The following ZMYM2 variants were observed in gnomAD, a reference collection of about 807,000 sequenced individuals.
ZMYM2 encodes the protein zinc finger MYM-type containing 2, also known as zinc finger MYM-type protein 2.
In ZMYM2, 56 loss-of-function variants were observed where a neutral mutation model predicts 162.8. That is an observed-to-expected ratio of 0.34 (90% CI 0.28 to 0.43). The LOEUF (loss-of-function observed/expected upper bound fraction) is 0.43. ZMYM2 is among the 20% of genes least tolerant of loss of function. ZMYM2 has a pLI of 1.00. For missense variants in ZMYM2, 1,275 were observed against 1,621.8 expected (o/e 0.79, Z 3.67); for synonymous variants, 510 against 541.6 (o/e 0.94, Z 0.81).
chr13:20,022,249 C>CATA (rs915691204), intron 7 of ZMYM2, among the ~76,000 whole-genome samples: 3 of 152,118 alleles, frequency 2.0e-5, no homozygotes, highest in Non-Finnish European at 4.4e-5. Flanking sequence ...TTTTGTTTGT[C>CATA]TTTTATGACT....
In ZMYM2 at chr13:20,086,005, C is replaced by T. The variant is rs1392293553; in HGVS notation, c.4125C>T (p.Asp1375=). The T allele has an allele frequency of 6.2e-7, 1 of 1,613,024 alleles. No individual in the cohort carries two copies. The highest frequency in any genetic ancestry group is 1.3e-5 in the African/African-American group (1 of 74,904). Residue 1375 remains aspartate, a synonymous_variant, in exon 25 of 25, where the codon GAC becomes GAT. Coordinates refer to ENST00000610343, the MANE Select transcript of ZMYM2 (RefSeq NM_197968.4). ...YDKDNYELDE[D]TD Reference sequence around the variant, plus strand: ...AAGACAATTATGAACTGGATGAAGACACAGACTAAAAAGGAACGTTGCAGA... The same window carrying T: ...AAGACAATTATGAACTGGATGAAGATACAGACTAAAAAGGAACGTTGCAGA...
chr13:19,871,490 T>G, the ZMYM2 span, among the ~76,000 whole-genome samples: 2 of 152,140 alleles, frequency 1.3e-5, no homozygotes, highest in African/African-American at 4.8e-5. Context: ...AGCCAACTCC[T>G]GTGCTCAAGC....
chr13:19,891,094 A>G, the ZMYM2 span, among the ~76,000 whole-genome samples: 1 of 151,924 alleles, frequency 6.6e-6, no homozygotes, highest in Non-Finnish European at 1.5e-5. Context: ...CCTGACACCC[A>G]ATGTGACTTT....
At chr13:20,002,603 C>T (rs887775264) in intron 3 of ZMYM2, among the ~76,000 whole-genome samples, 34 of 152,088 alleles carry the variant, frequency 2.2e-4, no homozygotes, top group African/African-American at 8.0e-4. Flanking sequence ...CTGAGTTACC[C>T]GACATACCCT....
intron 6 of ZMYM2, among the ~76,000 whole-genome samples, chr13:20,015,738 C>G (rs1951567097): frequency 6.6e-6 from 1 of 151,938 alleles, no homozygotes; most frequent in South Asian, 2.1e-4. Flanking sequence ...ATTTTTCTGT[C>G]TCTTGTGTCA....
the ZMYM2 span, among the ~76,000 whole-genome samples, chr13:19,929,757 TGG>T: frequency 1.6e-4 from 25 of 152,340 alleles, 1 homozygote; most frequent in Middle Eastern, 0.01. Flanking sequence ...CATAGAATGA[TGG>T]TTTGGAGCAT....
At chr13:20,005,713 TCTCCC>T (rs1443197223) in intron 5 of ZMYM2, among the ~76,000 whole-genome samples, 1 of 152,208 alleles carries the variant, frequency 6.6e-6, no homozygotes, top group Non-Finnish European at 1.5e-5. Flanking sequence ...TTATAATGGT[TCTCCC>T]CTCCTCATTT....
intron 2 of ZMYM2, among the ~76,000 whole-genome samples, chr13:19,979,442 T>A (rs1340112281): frequency 6.6e-6 from 1 of 151,776 alleles, no homozygotes; most frequent in African/African-American, 2.4e-5. Flanking sequence ...TTTTTTTTTT[T>A]TTTTGCCCAG....
At chr13:20,073,687 A>C (rs1015107940) in intron 21 of ZMYM2, among the ~76,000 whole-genome samples, 14 of 152,312 alleles carry the variant, frequency 9.2e-5, no homozygotes, top group African/African-American at 2.6e-4. Context: ...ACTTAAGGAA[A>C]ATGCTATCAC....
intron 17 of ZMYM2, 70 bp downstream of exon 17, chr13:20,061,294 C>G: frequency 6.7e-7 from 1 of 1,497,956 alleles, no homozygotes. Context: ...TGTTACAGTA[C>G]TTTCCAGGGC....
At chr13:19,984,960 A>G (rs959546880) in intron 2 of ZMYM2, among the ~76,000 whole-genome samples, 5 of 152,242 alleles carry the variant, frequency 3.3e-5, no homozygotes, top group Non-Finnish European at 7.3e-5. Context: ...TGTTTTAAGT[A>G]TGCCAAAACA....
chr13:19,899,247 G>C, the ZMYM2 span, among the ~76,000 whole-genome samples: 1 of 147,136 alleles, frequency 6.8e-6, no homozygotes, highest in Non-Finnish European at 1.5e-5. Context: ...CACCACGCCT[G>C]GTGCAAGACC....
At chr13:19,874,004 C>A in the ZMYM2 span, among the ~76,000 whole-genome samples, 1 of 152,174 alleles carries the variant, frequency 6.6e-6, no homozygotes, top group Non-Finnish European at 1.5e-5. Context: ...GATCACTTCT[C>A]CCATCTGTGA....
intron 1 of ZMYM2, among the ~76,000 whole-genome samples, chr13:19,959,400 C>T (rs1374229572): frequency 1.3e-5 from 2 of 152,256 alleles, no homozygotes; most frequent in East Asian, 1.9e-4. Context: ...CTCTTCTTTT[C>T]CTCGGCGCTG....
chr13:20,011,502 C>T (rs570199889), intron 6 of ZMYM2, among the ~76,000 whole-genome samples: 28 of 151,348 alleles, frequency 1.9e-4, no homozygotes, highest in African/African-American at 6.8e-4. Context: ...CAAATACTGT[C>T]TTCCATTATG....
the ZMYM2 span, among the ~76,000 whole-genome samples, chr13:19,918,778 C>T: frequency 3.3e-5 from 5 of 152,122 alleles, no homozygotes; most frequent in South Asian, 4.2e-4. Context: ...GGATTAGAGG[C>T]GTGAGCCACC....
At chr13:20,023,139 G>C (rs1234303138) in intron 7 of ZMYM2, among the ~76,000 whole-genome samples, 1 of 152,150 alleles carries the variant, frequency 6.6e-6, no homozygotes, top group African/African-American at 2.4e-5. Flanking sequence ...AACTAATGAA[G>C]TAAGTTTGTT....
intron 21 of ZMYM2, among the ~76,000 whole-genome samples, chr13:20,073,765 TAA>T (rs932600267): frequency 2.0e-5 from 3 of 152,242 alleles, no homozygotes; most frequent in Non-Finnish European, 2.9e-5. Context: ...TCAATACCGT[TAA>T]GAGGTTTTGA....
the ZMYM2 span, among the ~76,000 whole-genome samples, chr13:19,921,596 G>A: frequency 6.6e-6 from 1 of 151,790 alleles, no homozygotes; most frequent in African/African-American, 2.4e-5. Context: ...ATTCGCTATT[G>A]ATTAAAAAAA....
Sources: gnomAD v4.1 joint callset for allele counts (sites outside exome capture counted in the v4.1 genomes callset) on GRCh38, gnomAD v4.1.1 for gene constraint, MANE v1.5 for transcripts, NCBI Gene and HGNC (gene_info 2026-07-23, HGNC 2026-07-21) for gene names.